The following CBFB variants were observed in gnomAD, a reference collection of about 807,000 sequenced individuals.
CBFB encodes core-binding factor subunit beta.
In CBFB, 9 loss-of-function variants were observed where a neutral mutation model predicts 30.4. The ratio of observed to expected loss-of-function variants is 0.30; its 90% confidence interval spans 0.18 to 0.52. The LOEUF is 0.52. Among genes scored for constraint, CBFB ranks in the 20% least tolerant of loss-of-function variants. The pLI is 0.97. For missense variants in CBFB, 170 were observed against 244.0 expected, an observed-to-expected ratio of 0.70 and a Z score of 2.02; for synonymous variants, 94 against 84.0, an observed-to-expected ratio of 1.12 and a Z score of -0.65.
At chr16:67,092,327 C>T (rs1961910159) in intron 5 of CBFB, among the ~76,000 whole-genome samples, 1 of 152,082 alleles carries the variant, frequency 6.6e-6, no homozygotes. Context: ...TCCTTTCTCT[C>T]ATGTTGAGAC....
intron 2 of CBFB, among the ~76,000 whole-genome samples, chr16:67,033,696 C>A (rs2145708774): frequency 6.6e-6 from 1 of 150,802 alleles, no homozygotes; most frequent in Non-Finnish European, 1.5e-5. Flanking sequence ...ACTGCAAGCT[C>A]CGCCTCCTGG....
rs144090515 is a variant in CBFB at position 67,081,803 on chromosome 16, CAG to C, written c.400-407_400-406del. 8.5e-3 allele frequency among the ~76,000 whole-genome samples: 1,290 copies of C among 151,626 alleles called. 15 individuals are homozygous for C. The highest frequency in any genetic ancestry group is 0.025 in the African/African-American group (1,034 of 41,368). On this transcript the variant is annotated intron_variant, in intron 4 of 5. Transcript: ENST00000412916. Reference sequence around the variant, plus strand: ...TGCACTTGTACTCCAGCCTGAGTAACAGAGCGGGATGCTGTTTCTTTTTTTTT... The same window carrying C: ...TGCACTTGTACTCCAGCCTGAGTAACAGCGGGATGCTGTTTCTTTTTTTTT...
At chr16:67,075,581 C>T (rs1388621683) in intron 4 of CBFB, among the ~76,000 whole-genome samples, 3 of 152,068 alleles carry the variant, frequency 2.0e-5, no homozygotes, top group African/African-American at 7.2e-5. Flanking sequence ...TATATATACA[C>T]ACACTATGAT....
At chr16:67,082,096 G>T in intron 4 of CBFB, 117 bp from the exon 5 acceptor site, 1 of 720,516 alleles carries the variant, frequency 1.4e-6, no homozygotes, top group South Asian at 2.4e-5. Flanking sequence ...TGAGATTACA[G>T]GCGTGAGCCA....
At chr16:67,053,022 A>G (rs1960601976) in intron 3 of CBFB, among the ~76,000 whole-genome samples, 1 of 151,330 alleles carries the variant, frequency 6.6e-6, no homozygotes. Context: ...AAAAAAAAAA[A>G]GAAAAAAAGA....
intron 3 of CBFB, among the ~76,000 whole-genome samples, chr16:67,040,141 C>T (rs1306662272): frequency 6.6e-6 from 1 of 152,134 alleles, no homozygotes; most frequent in Admixed American, 6.6e-5. Context: ...TCTCGAATTT[C>T]TTTTCTCTTT....
At position 67,029,376 on chromosome 16, in the gene CBFB, G is replaced by A; in HGVS notation, c.-32G>A. ...GCGGGTGCCCGCGCAAGCCCCGAGC[G>A]CGGCCGGCCGGCGCGGCCTCAGGGC... On this transcript the variant is annotated 5_prime_UTR_variant, in exon 1 of 6. Coordinates refer to ENST00000412916, the MANE Select transcript of CBFB (RefSeq NM_022845.3). 2 of 1,473,026 alleles carry A rather than the reference G, an allele frequency of 1.4e-6. No individual in the cohort carries two copies. Among genetic ancestry groups the A allele is most frequent in the Non-Finnish European group, 9.0e-7 (1 of 1,108,234 alleles). 91.2% of individuals were successfully genotyped at this position (1,473,026 alleles called of 1,614,324 possible).
chr16:67,045,736 G>T (rs1271695187), intron 3 of CBFB, among the ~76,000 whole-genome samples: 1 of 151,700 alleles, frequency 6.6e-6, no homozygotes, highest in Non-Finnish European at 1.5e-5. Flanking sequence ...AGAGAAGGCA[G>T]AAATAATATG....
chr16:67,100,112 ACCT>A lies in CBFB; in HGVS notation c.*1338_*1340del, dbSNP rs1414831134. 2 of 212,576 alleles carry A rather than the reference ACCT, an allele frequency of 9.4e-6. No individual in the cohort carries two copies. Among genetic ancestry groups the A allele is most frequent in the African/African-American group, 4.5e-5 (2 of 44,142 alleles). 13.2% of individuals were successfully genotyped at this position (212,576 alleles called of 1,614,324 possible). A position where few individuals can be genotyped will look rare whatever the true frequency, so the allele number is the denominator to read the frequency against. ...GGAAAACAGTGCTAAGTCATTTGGC[ACCT>A]CCTTACAAATATTTTTCATGGTCAC... is the stretch of plus-strand genomic sequence containing the variant. On this transcript the variant is annotated 3_prime_UTR_variant, in exon 6 of 6. Coordinates refer to ENST00000412916, the MANE Select transcript of CBFB (RefSeq NM_022845.3).
chr16:67,086,111 A>T (rs1006324839), intron 5 of CBFB, among the ~76,000 whole-genome samples: 3 of 152,178 alleles, frequency 2.0e-5, no homozygotes, highest in Non-Finnish European at 4.4e-5. Flanking sequence ...GATATATGTG[A>T]TACTTGTTTT....
intron 3 of CBFB, among the ~76,000 whole-genome samples, chr16:67,065,219 T>G (rs1444908095): frequency 6.6e-6 from 1 of 152,196 alleles, no homozygotes; most frequent in Non-Finnish European, 1.5e-5. Context: ...AATTTTCTCA[T>G]GAAGCTGAAG....
intron 3 of CBFB, among the ~76,000 whole-genome samples, chr16:67,054,090 A>T (rs1394966010): frequency 6.6e-6 from 1 of 151,888 alleles, no homozygotes; most frequent in Admixed American, 6.6e-5. Context: ...CACTGCTTTC[A>T]TACTGATTTC....
At chr16:67,031,605 G>C (rs1203147706) in intron 2 of CBFB, among the ~76,000 whole-genome samples, 3 of 152,150 alleles carry the variant, frequency 2.0e-5, no homozygotes, top group South Asian at 2.1e-4. Context: ...TCGCCTCCTG[G>C]GTTAAAGCGA....
chr16:67,098,691 T>C lies in CBFB; in HGVS notation c.496-19T>C. ...GTCAAAACACTTTTTGACCCCAAAT[T>C]ATGATTTTGTCATTGCAGGCAAGAA... On this transcript the variant is annotated intron_variant, in intron 5 of 5. Coordinates refer to ENST00000412916, the MANE Select transcript of CBFB (RefSeq NM_022845.3). The C allele has an allele frequency of 1.3e-6, 2 of 1,547,286 alleles. No individual in the cohort carries two copies. Among genetic ancestry groups the C allele is most frequent in the South Asian group, 2.2e-5 (2 of 89,510 alleles).
At chr16:67,092,724 T>TTTTTTTTTTTTTTTTTTTTTTCC (rs1961929758) in intron 5 of CBFB, among the ~76,000 whole-genome samples, 1 of 134,956 alleles carries the variant, frequency 7.4e-6, no homozygotes, top group African/African-American at 2.9e-5. Context: ...TTTTTTTTTT[T>TTTTTTTTTTTTTTTTTTTTTTCC]TTTTTTGAGA....
In CBFB at chr16:67,029,399, G is replaced by A. The variant is rs771353968; in HGVS notation, c.-9G>A. The A allele has an allele frequency of 6.5e-7, 1 of 1,548,230 alleles. No individual in the cohort carries two copies. The highest frequency in any genetic ancestry group is 1.2e-5 in the South Asian group (1 of 84,152). On this transcript the variant is annotated 5_prime_UTR_variant, in exon 1 of 6. Transcript: ENST00000412916. ...GCGCGGCCGGCCGGCGCGGCCTCAG[G>A]GCGGGAAGATGCCGCGCGTCGTGCC...
chr16:67,066,197 C>G (rs140129080), intron 3 of CBFB, among the ~76,000 whole-genome samples: 9 of 152,000 alleles, frequency 5.9e-5, no homozygotes, highest in Non-Finnish European at 1.2e-4. Flanking sequence ...AGTGCATGCT[C>G]TCTTCAGAGG....
At chr16:67,087,949 G>A (rs1961774385) in intron 5 of CBFB, among the ~76,000 whole-genome samples, 1 of 152,152 alleles carries the variant, frequency 6.6e-6, no homozygotes, top group African/African-American at 2.4e-5. Flanking sequence ...GCTGGTTCCA[G>A]TTAATTGAAT....
rs889445852 is a variant in CBFB, at chr16:67,091,393, A to G, written c.496-7317A>G. On this transcript the variant is annotated intron_variant, in intron 5 of 5. Transcript: ENST00000412916. Reference sequence around the variant, plus strand: ...AATAACAGCATCATGAGTGCATCCTATGTGCCAGGCAGTGTACATTATAAT... The same window carrying G: ...AATAACAGCATCATGAGTGCATCCTGTGTGCCAGGCAGTGTACATTATAAT... 6.6e-5 allele frequency among the ~76,000 whole-genome samples: 10 copies of G among 152,188 alleles called. No individual in the cohort carries two copies. The East Asian group carries it at 1.2e-3, about 18-fold the overall frequency.
Sources: gnomAD v4.1 joint callset for allele counts (sites outside exome capture counted in the v4.1 genomes callset) on GRCh38, gnomAD v4.1.1 for gene constraint, MANE v1.5 for transcripts, NCBI Gene and HGNC (gene_info 2026-07-23, HGNC 2026-07-21) for gene names.